Variants in DPYSL2 observed in about 807,000 individuals in gnomAD.
DPYSL2 encodes dihydropyrimidinase-related protein 2.
DPYSL2 carries 13 observed loss-of-function variants against 69.9 expected under a neutral mutation model. The ratio of observed to expected loss-of-function variants is 0.19; its 90% CI spans 0.12 to 0.30. The LOEUF (loss-of-function observed/expected upper bound fraction) is 0.30, where lower values mean the gene tolerates loss of function less well. DPYSL2 is among the 10% of genes least tolerant of loss of function. The pLI, the probability that DPYSL2 is intolerant of heterozygous loss-of-function variation, is 1.00. For synonymous variants in DPYSL2, 326 were observed against 359.1 expected (o/e 0.91, Z 1.04); for missense variants, 587 against 918.9 (o/e 0.64, Z 4.67).
chr8:26,561,890 C>A (rs1402725435), intron 1 of DPYSL2, among the ~76,000 whole-genome samples: 2 of 152,138 alleles, frequency 1.3e-5, no homozygotes, highest in African/African-American at 4.8e-5. Flanking sequence ...ACTGTGAGGC[C>A]CAGTTCCTAA....
Position 26,538,156 on chromosome 8 carries a change from A to G in DPYSL2, c.354+23477A>G, listed in dbSNP as rs565114632. Among the ~76,000 whole-genome samples, 255 of 152,346 alleles carry G rather than the reference A, an allele frequency of 1.7e-3. 3 individuals carry two copies. Among genetic ancestry groups the G allele is most frequent in the African/African-American group, 5.9e-3 (245 of 41,592 alleles). ...TCACTTGATAAAGGAGGTAGCTGTCAGATCGATTCACTGTAATGTCAATTA... is the reference window on the plus strand; with the variant it reads ...TCACTTGATAAAGGAGGTAGCTGTCGGATCGATTCACTGTAATGTCAATTA... On this transcript the variant is annotated intron_variant, in intron 1 of 13. Transcript: ENST00000521913.
Position 26,514,148 on chromosome 8 carries a change from A to G in DPYSL2, c.-178A>G. ...GGAGGGGAGAAGCGGGGTCAGGGGG[A>G]GGGACCGGGAGGGTGGGTCGCCGGC... On this transcript the variant is annotated 5_prime_UTR_variant, in exon 1 of 14. Transcript: ENST00000521913. This position sits in a 1 kb window ranked among gnomAD's most constrained non-coding sequence, Gnocchi z 8.4. 1.4e-5 allele frequency: 6 copies of G among 443,286 alleles called. No homozygotes were observed. The highest frequency in any genetic ancestry group is 4.5e-5 in the Admixed American group (1 of 22,384). The allele number at this position is 443,286 out of a possible 1,614,324, so 27.5% of individuals were successfully genotyped here.
In DPYSL2 at chr8:26,583,789, GTTTA is replaced by G. The variant is rs755900003; in HGVS notation, c.444-5_444-2del. 8.1e-6 allele frequency: 13 copies of G among 1,605,506 alleles called. No homozygotes were observed. The highest frequency in any genetic ancestry group is 4.5e-5 in the South Asian group (4 of 89,746). On this transcript the variant is annotated splice_polypyrimidine_tract_variant and splice_region_variant and intron_variant, in intron 2 of 13. Transcript: ENST00000521913. ...ATTTACAACCCTTATCACCAACCCT[GTTTA>G]TTTAGGCAAATAGGAGAAAATCTGA...
At chr8:26,554,672 C>T (rs1360686292) in intron 1 of DPYSL2, among the ~76,000 whole-genome samples, 1 of 152,018 alleles carries the variant, frequency 6.6e-6, no homozygotes, top group Non-Finnish European at 1.5e-5. Flanking sequence ...GCCTTTTATC[C>T]ATCTTGATCT....
At chr8:26,599,422 TCTC>T (rs1430386112) in intron 3 of DPYSL2, among the ~76,000 whole-genome samples, 2 of 152,188 alleles carry the variant, frequency 1.3e-5, no homozygotes, top group South Asian at 2.1e-4. Flanking sequence ...GGCTCTTTCT[TCTC>T]CTCTTTGTCT....
chr8:26,537,833 A>G (rs1034655681), intron 1 of DPYSL2, among the ~76,000 whole-genome samples: 2 of 152,198 alleles, frequency 1.3e-5, no homozygotes, highest in Non-Finnish European at 2.9e-5. Flanking sequence ...CAATTATCCA[A>G]TAACATTCTT....
At position 26,647,718 on chromosome 8, in the gene DPYSL2, G is replaced by A. The variant is rs1172753323; in HGVS notation, c.1514G>A (p.Arg505His). ...KVFNLYPRKG[R>H]IAVGSDADLV... is the part of the protein sequence containing the mutation. ...TTCAACCTTTACCCCCGGAAAGGCC[G>A]CATTGCTGTGGGATCCGATGCCGAC... Residue 505 changes from arginine (R) to histidine (H), a missense_variant, in exon 11 of 14, where the codon CGC becomes CAC. This residue lies in a region of DPYSL2 where 452 missense variants were observed against 754.3 expected (regional missense o/e 0.60). Transcript: ENST00000521913. This position sits in a 1 kb window ranked among gnomAD's most constrained non-coding sequence, Gnocchi z 5.1. The A allele has an allele frequency of 8.1e-6, 13 of 1,614,032 alleles. No homozygotes were observed. Among genetic ancestry groups the A allele is most frequent in the South Asian group, 1.1e-5 (1 of 91,084 alleles).
chr8:26,552,774 T>C (rs1050367051), intron 1 of DPYSL2, among the ~76,000 whole-genome samples: 8 of 152,172 alleles, frequency 5.3e-5, no homozygotes, highest in Non-Finnish European at 8.8e-5. Context: ...GTGAATGAAT[T>C]AATCCATTCA....
chr8:26,546,900 C>G (rs116070300), intron 1 of DPYSL2, among the ~76,000 whole-genome samples: 1 of 109,940 alleles, frequency 9.1e-6, no homozygotes, highest in Non-Finnish European at 1.7e-5. Context: ...CCAGCCTGGG[C>G]GACTGAGGGA....
chr8:26,567,727 T>C (rs1801174814), intron 1 of DPYSL2, among the ~76,000 whole-genome samples: 1 of 152,186 alleles, frequency 6.6e-6, no homozygotes, highest in South Asian at 2.1e-4. Flanking sequence ...GGCAGGCATG[T>C]GAGCACAAGT....
In DPYSL2 at chr8:26,587,952, G is replaced by C. The variant is rs1462870010; in HGVS notation, c.628+3969G>C. Reference sequence around the variant, plus strand: ...AACACTTACCCTGTGCGTCGGTGCAGGTGGCCAGGTGTGGAACATACACCT... The same window carrying C: ...AACACTTACCCTGTGCGTCGGTGCACGTGGCCAGGTGTGGAACATACACCT... On this transcript the variant is annotated intron_variant, in intron 3 of 13. Transcript: ENST00000521913. The surrounding 1 kb of genome is among the most constrained non-coding windows in gnomAD (Gnocchi z 4.2). Among the ~76,000 whole-genome samples the C allele has an allele frequency of 1.3e-5, 2 of 152,188 alleles. No individual in the cohort carries two copies. Among genetic ancestry groups the C allele is most frequent in the Non-Finnish European group, 1.5e-5 (1 of 68,030 alleles).
At chr8:26,544,058 C>CTTCCAT (rs374294396) in intron 1 of DPYSL2, among the ~76,000 whole-genome samples, 79,406 of 151,710 alleles carry the variant, frequency 0.52, 21,611 homozygotes, top group African/African-American at 0.67. Flanking sequence ...TTTTCACAAA[C>CTTCCAT]AAAAGAACAG....
intron 1 of DPYSL2, among the ~76,000 whole-genome samples, chr8:26,551,465 A>G (rs1054444260): frequency 6.6e-6 from 1 of 152,222 alleles, no homozygotes; most frequent in African/African-American, 2.4e-5. Flanking sequence ...TCAAGGAGAT[A>G]TAAACAAATC....
At chr8:26,538,796 T>C (rs1215588061) in intron 1 of DPYSL2, among the ~76,000 whole-genome samples, 21 of 152,194 alleles carry the variant, frequency 1.4e-4, no homozygotes, top group Admixed American at 1.4e-3. Context: ...TGTATTTACA[T>C]GCCAGACCTG....
chr8:26,640,262 G>T lies in DPYSL2; in HGVS notation c.1127-3177G>T, dbSNP rs1803011578. Among the ~76,000 whole-genome samples, 1 of 152,198 alleles carries T rather than the reference G, an allele frequency of 6.6e-6. No individual in the cohort carries two copies. The highest frequency in any genetic ancestry group is 1.5e-5 in the Non-Finnish European group (1 of 68,026). On this transcript the variant is annotated intron_variant, in intron 8 of 13. Transcript: ENST00000521913. The surrounding 1 kb of genome is among the most constrained non-coding windows in gnomAD (Gnocchi z 4.2). ...CCAGACTGGTTGTAAATAAGCACCAGCTCCCATCCCCTGCAGTTCTTGGCC... is the reference window on the plus strand; with the variant it reads ...CCAGACTGGTTGTAAATAAGCACCATCTCCCATCCCCTGCAGTTCTTGGCC...
At chr8:26,589,005 C>T (rs1801664353) in intron 3 of DPYSL2, among the ~76,000 whole-genome samples, 1 of 152,228 alleles carries the variant, frequency 6.6e-6, no homozygotes, top group South Asian at 2.1e-4. Flanking sequence ...CTGTCCCCCA[C>T]CTCCTGCCTC....
chr8:26,546,690 C>G (rs1011161514), intron 1 of DPYSL2, among the ~76,000 whole-genome samples: 1 of 150,546 alleles, frequency 6.6e-6, no homozygotes, highest in African/African-American at 2.4e-5. Flanking sequence ...GAGGCCGAGA[C>G]GGGTGGATCA....
At chr8:26,518,130 A>G (rs185855194) in intron 1 of DPYSL2, among the ~76,000 whole-genome samples, 117 of 152,342 alleles carry the variant, frequency 7.7e-4, no homozygotes, top group African/African-American at 2.8e-3. Flanking sequence ...ACTGATGCCC[A>G]AGTTGTCCCC....
At position 26,642,883 on chromosome 8, in the gene DPYSL2, G is replaced by A. The variant is rs1803084813; in HGVS notation, c.1127-556G>A. ...AGCTTCTTCCAGGCAGTGACTCAGG[G>A]ATCCAGGCTGTCTCTTGAGGATATC... On this transcript the variant is annotated intron_variant, in intron 8 of 13. Coordinates refer to ENST00000521913, the MANE Select transcript of DPYSL2 (RefSeq NM_001197293.3). The surrounding 1 kb of genome is among the most constrained non-coding windows in gnomAD (Gnocchi z 5.3). 1 of 152,314 alleles carries A rather than the reference G, an allele frequency of 6.6e-6. No individual in the cohort carries two copies. Among genetic ancestry groups the A allele is most frequent in the African/African-American group, 2.4e-5 (1 of 41,446 alleles). The allele number at this position is 152,314 out of a possible 1,614,324, so 9.4% of individuals were successfully genotyped here.
Sources: gnomAD v4.1 joint callset for allele counts (sites outside exome capture counted in the v4.1 genomes callset) on GRCh38, gnomAD v4.1.1 for gene constraint, gnomAD v4.1.1 regional missense constraint, Gnocchi (gnomAD v3.1) non-coding constraint, MANE v1.5 for transcripts, NCBI Gene and HGNC (gene_info 2026-07-23, HGNC 2026-07-21) for gene names.